Variants in RHOBTB1 observed in about 807,000 individuals in gnomAD.
RHOBTB1 encodes the protein rho-related BTB domain-containing protein 1.
Under a neutral mutation model 71.6 loss-of-function variants are expected in RHOBTB1, and 40 were observed. That is an observed-to-expected ratio of 0.56 (90% CI 0.43 to 0.73). The LOEUF (loss-of-function observed/expected upper bound fraction) is 0.73. Ranked by LOEUF, RHOBTB1 falls within the 30% of genes least tolerant of loss-of-function variation. The probability of loss-of-function intolerance (pLI) is 0.00; values close to 1 mark genes in which losing one functional copy is unlikely to be tolerated. For synonymous variants in RHOBTB1, 319 were observed against 334.9 expected, an observed-to-expected ratio of 0.95 and a Z score of 0.52; for missense variants, 797 against 894.0, an observed-to-expected ratio of 0.89 and a Z score of 1.38.
intron 2 of RHOBTB1, among the ~76,000 whole-genome samples, chr10:60,965,372 A>G (rs555892903): frequency 1.3e-5 from 2 of 152,078 alleles, no homozygotes; most frequent in Non-Finnish European, 2.9e-5. Flanking sequence ...TAAGTGGACT[A>G]TTATTAAGTC....
chr10:60,970,206 T>A (rs1165482891), intron 2 of RHOBTB1, among the ~76,000 whole-genome samples: 7 of 152,110 alleles, frequency 4.6e-5, no homozygotes, highest in Non-Finnish European at 1.0e-4. Context: ...ATTAAAAAAA[T>A]TGGTTATTTG....
chr10:60,944,646 T>A (rs2085137860), upstream of RHOBTB1, among the ~76,000 whole-genome samples: 1 of 152,148 alleles, frequency 6.6e-6, no homozygotes, highest in African/African-American at 2.4e-5. Context: ...GTTGGGCCAC[T>A]AACCGGCTGG....
chr10:60,920,148 T>TG (rs61304036), intron 2 of RHOBTB1, among the ~76,000 whole-genome samples: 9,865 of 152,176 alleles, frequency 0.065, 570 homozygotes, highest in African/African-American at 0.15. Context: ...CTGCTGAAAT[T>TG]TTCTCACTAA....
downstream of RHOBTB1, among the ~76,000 whole-genome samples, chr10:60,866,904 C>A (rs1396118861): frequency 6.6e-6 from 1 of 152,086 alleles, no homozygotes; most frequent in Non-Finnish European, 1.5e-5. Context: ...AGGAAAAGAC[C>A]ACACTGCTCT....
In RHOBTB1 at chr10:60,869,806, C is replaced by T. The variant is rs528794818; in HGVS notation, c.*1676G>A. On this transcript the variant is annotated 3_prime_UTR_variant, in exon 11 of 11. Transcript: ENST00000337910. ...ATAATTAAGATGGATGCATTTGTAA[C>T]TATCCCTACTCTACTGCCTTCTCTT... 14 of 152,664 alleles carry T rather than the reference C, an allele frequency of 9.2e-5. No individual in the cohort carries two copies. The highest frequency in any genetic ancestry group is 3.4e-4 in the African/African-American group (14 of 41,558). The allele number at this position is 152,664 out of a possible 1,614,324, so 9.5% of individuals were successfully genotyped here.
Position 60,878,166 on chromosome 10 carries a change from G to A in RHOBTB1, c.1576-108C>T. On this transcript the variant is annotated intron_variant, in intron 7 of 10. Transcript: ENST00000337910. ...CCTGTGTGACTTGATATTGGTGAGT[G>A]TTGGACACCTGCTTTGAGGCTGTGC... The A allele has an allele frequency of 5.1e-6, 4 of 791,558 alleles. No homozygotes were observed. In the South Asian group the frequency reaches 5.1e-5, roughly 10 times the overall value. 49.0% of individuals were successfully genotyped at this position (791,558 alleles called of 1,614,324 possible). A position where few individuals can be genotyped will look rare whatever the true frequency, so the allele number is the denominator to read the frequency against.
chr10:60,917,690 T>A (rs1209687292), intron 2 of RHOBTB1, among the ~76,000 whole-genome samples: 1 of 152,110 alleles, frequency 6.6e-6, no homozygotes, highest in African/African-American at 2.4e-5. Flanking sequence ...CGCCTCTTAA[T>A]ACAATCACAT....
intron 2 of RHOBTB1, among the ~76,000 whole-genome samples, chr10:60,911,921 G>A (rs751987281): frequency 2.0e-4 from 30 of 152,222 alleles, no homozygotes; most frequent in Middle Eastern, 3.4e-3. Context: ...TAGCAAGTCC[G>A]GTCACCTGTA....
intron 2 of RHOBTB1, among the ~76,000 whole-genome samples, chr10:60,950,366 C>T (rs997052891): frequency 6.6e-6 from 1 of 152,166 alleles, no homozygotes; most frequent in Non-Finnish European, 1.5e-5. Flanking sequence ...TAGATTTCAA[C>T]TTTACCTAAT....
At chr10:60,936,011 T>C (rs900192760) in intron 2 of RHOBTB1, among the ~76,000 whole-genome samples, 5 of 152,210 alleles carry the variant, frequency 3.3e-5, no homozygotes, top group African/African-American at 9.6e-5. Flanking sequence ...ACAGTGTTAA[T>C]AATGGAGATT....
Position 60,888,595 on chromosome 10 carries a change from C to G in RHOBTB1, c.1073G>C (p.Gly358Ala). ...AGGAACTGCACCCTCGGCTTCCAGC[C>G]CCAGAGCCTCCACCAGGCTCTTGTT... is the stretch of plus-strand genomic sequence containing the variant. ...SSNKSLVEAL[G>A]LEAEGAVPET... The change falls in exon 6 of 11, where the codon GGG becomes GCG. Residue 358 changes from glycine (G) to alanine (A), a missense_variant. Physicochemically the swap from Gly to Ala is moderately conservative, Grantham distance 60. This residue lies in a region of RHOBTB1 where 658 missense variants were observed against 681.5 expected (regional missense o/e 0.97). Coordinates refer to ENST00000337910, the MANE Select transcript of RHOBTB1 (RefSeq NM_014836.5). 2.5e-6 allele frequency: 4 copies of G among 1,614,186 alleles called. No individual in the cohort carries two copies. Among genetic ancestry groups the G allele is most frequent in the Non-Finnish European group, 3.4e-6 (4 of 1,180,028 alleles).
intron 1 of RHOBTB1, among the ~76,000 whole-genome samples, chr10:60,943,016 T>G (rs1361419707): frequency 6.6e-6 from 1 of 152,172 alleles, no homozygotes; most frequent in Non-Finnish European, 1.5e-5. Context: ...AAGTTCAAAG[T>G]CAGGGCGACT....
chr10:60,883,585 C>A lies in RHOBTB1; in HGVS notation c.1575+2527G>T, dbSNP rs140680736. Among the ~76,000 whole-genome samples, 109 of 152,314 alleles carry A rather than the reference C, an allele frequency of 7.2e-4. 2 individuals are homozygous for A. The East Asian group carries it at 0.018, about 25-fold the overall frequency. On this transcript the variant is annotated intron_variant, in intron 7 of 10. Transcript: ENST00000337910. ...CTGGACAAAGAAGGGGAGCAATCCT[C>A]CCAGCTCTTTATCTCCAGAGATTGC...
chr10:60,906,888 C>CA (rs2082707422), intron 4 of RHOBTB1, among the ~76,000 whole-genome samples: 1 of 152,226 alleles, frequency 6.6e-6, no homozygotes, highest in Non-Finnish European at 1.5e-5. Context: ...TGTCCCCACC[C>CA]AAATCTCGAA....
chr10:60,992,440 G>A (rs1313228355), intron 1 of RHOBTB1, among the ~76,000 whole-genome samples: 1 of 152,196 alleles, frequency 6.6e-6, no homozygotes, highest in East Asian at 1.9e-4. Flanking sequence ...ACATGCTGGA[G>A]GGGACACAAA....
At chr10:60,878,476 T>C (rs2081154786) in intron 7 of RHOBTB1, among the ~76,000 whole-genome samples, 1 of 152,190 alleles carries the variant, frequency 6.6e-6, no homozygotes, top group Admixed American at 6.5e-5. Flanking sequence ...TTCTCCAAGA[T>C]GTCAAAAGAG....
At position 60,889,128 on chromosome 10, in the gene RHOBTB1, T is replaced by C. The variant is rs372087538; in HGVS notation, c.540A>G (p.Glu180=). ...PPEKGREVAK[E]LGLPYYETSV... is the part of the protein sequence containing the mutation. ...TTGTTTCATAGTATGGTAAGCCAAG[T>C]TCCTTTGCTACCTCTCGGCCTTTTT... Residue 180 remains glutamate, a synonymous_variant, in exon 6 of 11, where the codon GAA becomes GAG. Transcript: ENST00000337910. The C allele has an allele frequency of 9.3e-6, 15 of 1,613,996 alleles. No homozygotes were observed. Among genetic ancestry groups the C allele is most frequent in the Non-Finnish European group, 1.2e-5 (14 of 1,179,934 alleles).
intron 2 of RHOBTB1, among the ~76,000 whole-genome samples, chr10:60,931,127 C>T (rs2084223290): frequency 6.6e-6 from 1 of 152,064 alleles, no homozygotes; most frequent in South Asian, 2.1e-4. Context: ...TTCTACTTTT[C>T]TTTTGATTCC....
intron 1 of RHOBTB1, among the ~76,000 whole-genome samples, chr10:60,988,140 T>A (rs780040631): frequency 9.2e-5 from 14 of 151,376 alleles, no homozygotes; most frequent in Non-Finnish European, 1.8e-4. Context: ...TTCACTGTGT[T>A]AGCCAGGATG....
Sources: gnomAD v4.1 joint callset for allele counts (sites outside exome capture counted in the v4.1 genomes callset) on GRCh38, gnomAD v4.1.1 for gene constraint, gnomAD v4.1.1 regional missense constraint, MANE v1.5 for transcripts, NCBI Gene and HGNC (gene_info 2026-07-23, HGNC 2026-07-21) for gene names.